Variants in CCSER1 observed in about 807,000 individuals in gnomAD.
The protein encoded by CCSER1 is serine-rich coiled-coil domain-containing protein 1.
In CCSER1, 41 loss-of-function variants were observed where a neutral mutation model predicts 82.0. That is an observed-to-expected ratio of 0.50 (90% CI 0.39 to 0.65). The LOEUF is 0.65. Among genes scored for constraint, CCSER1 ranks in the 30% least tolerant of loss-of-function variants. The pLI, the probability that CCSER1 is intolerant of heterozygous loss-of-function variation, is 0.00. For missense variants in CCSER1, 1,119 were observed against 1,064.2 expected, an observed-to-expected ratio of 1.05 and a Z score of -0.72; for synonymous variants, 414 against 383.9, an observed-to-expected ratio of 1.08 and a Z score of -0.92.
intron 10 of CCSER1, among the ~76,000 whole-genome samples, chr4:91,340,954 C>T (rs1747684143): frequency 6.6e-6 from 1 of 152,138 alleles, no homozygotes; most frequent in South Asian, 2.1e-4. Context: ...ATCTATTGGC[C>T]TAGTTTCAAA....
intron 8 of CCSER1, among the ~76,000 whole-genome samples, chr4:90,850,583 A>G (rs939372477): frequency 1.3e-5 from 2 of 152,226 alleles, no homozygotes; most frequent in African/African-American, 4.8e-5. Flanking sequence ...TGACTGCCCT[A>G]TTAGATTTTG....
chr4:91,009,718 A>G (rs187560785), intron 9 of CCSER1, among the ~76,000 whole-genome samples: 1 of 152,210 alleles, frequency 6.6e-6, no homozygotes, highest in Middle Eastern at 3.4e-3. Context: ...AAAATATTCT[A>G]TTGTTTTAAC....
At chr4:91,230,028 A>G (rs1161148887) in intron 10 of CCSER1, among the ~76,000 whole-genome samples, 1 of 152,150 alleles carries the variant, frequency 6.6e-6, no homozygotes, top group Non-Finnish European at 1.5e-5. Flanking sequence ...GTACCCCACC[A>G]AATATTCATT....
At chr4:90,295,202 G>A (rs1731643063) in intron 1 of CCSER1, among the ~76,000 whole-genome samples, 1 of 151,718 alleles carries the variant, frequency 6.6e-6, no homozygotes, top group South Asian at 2.1e-4. Flanking sequence ...TATTATTCTA[G>A]GGTAAATGCT....
Position 90,628,038 on chromosome 4 carries a change from A to G in CCSER1, c.1738A>G (p.Lys580Glu), listed in dbSNP as rs375334932. 46 of 1,613,358 alleles carry G rather than the reference A, an allele frequency of 2.9e-5. No homozygotes were observed. The highest frequency in any genetic ancestry group is 3.7e-5 in the Non-Finnish European group (44 of 1,179,602). ...TTTTCTTGTTAGGAATCTTTCCCTG[A>G]AATTAACAAAGGACGTTGATCAAGA... ...PEPSKQNLSL[K>E]LTKDVDQEAR... Residue 580 changes from lysine (K) to glutamate (E), a missense_variant, in exon 6 of 11, where the codon AAA becomes GAA. Transcript: ENST00000509176.
At chr4:90,744,100 A>T (rs1390826763) in intron 7 of CCSER1, among the ~76,000 whole-genome samples, 1 of 152,218 alleles carries the variant, frequency 6.6e-6, no homozygotes, top group Non-Finnish European at 1.5e-5. Context: ...TCTTATGACT[A>T]TGGAAAGCTA....
At chr4:90,267,456 C>T (rs770867496) in intron 1 of CCSER1, among the ~76,000 whole-genome samples, 10 of 152,072 alleles carry the variant, frequency 6.6e-5, no homozygotes, top group African/African-American at 1.7e-4. Context: ...TGGCTGGGTT[C>T]GCTACCTGCT....
Position 91,387,357 on chromosome 4 carries a change from A to G in CCSER1, c.2218-211215A>G, listed in dbSNP as rs915740213. 4.5e-4 allele frequency among the ~76,000 whole-genome samples: 69 copies of G among 152,102 alleles called. 1 individual carries two copies. Among genetic ancestry groups the G allele is most frequent in the Admixed American group, 1.4e-3 (22 of 15,228 alleles). On this transcript the variant is annotated intron_variant, in intron 10 of 10. Coordinates refer to ENST00000509176, the MANE Select transcript of CCSER1 (RefSeq NM_001145065.2). ...AAAGCTTGAAGAGATTTTCAGCTAT[A>G]ATGTTTTTAAAAATTAGATTTCTGT...
intron 3 of CCSER1, among the ~76,000 whole-genome samples, chr4:90,387,271 A>G (rs1750209318): frequency 6.6e-6 from 1 of 152,180 alleles, no homozygotes; most frequent in Admixed American, 6.5e-5. Context: ...TTACCTGCAG[A>G]TATGGCTCTA....
intron 10 of CCSER1, among the ~76,000 whole-genome samples, chr4:91,488,277 T>G (rs1388525269): frequency 2.6e-5 from 4 of 152,226 alleles, no homozygotes; most frequent in Non-Finnish European, 5.9e-5. Context: ...TGGCAATTAT[T>G]TTATGTGATT....
intron 5 of CCSER1, among the ~76,000 whole-genome samples, chr4:90,485,193 C>G (rs1222353962): frequency 6.6e-6 from 1 of 152,186 alleles, no homozygotes; most frequent in African/African-American, 2.4e-5. Context: ...GATATAATCT[C>G]CTGGTGTGCC....
chr4:91,440,111 G>A (rs1291028529), intron 10 of CCSER1, among the ~76,000 whole-genome samples: 4 of 151,904 alleles, frequency 2.6e-5, no homozygotes, highest in Admixed American at 6.6e-5. Context: ...TGCACCAAGT[G>A]GACCTAATAG....
At chr4:91,405,832 G>A (rs761748804) in intron 10 of CCSER1, among the ~76,000 whole-genome samples, 64 of 152,168 alleles carry the variant, frequency 4.2e-4, no homozygotes, top group Non-Finnish European at 7.1e-4. Flanking sequence ...TCCCAGGTGA[G>A]GCAATGCCCC....
intron 5 of CCSER1, among the ~76,000 whole-genome samples, chr4:90,572,142 C>T (rs758658622): frequency 6.6e-6 from 1 of 152,106 alleles, no homozygotes; most frequent in Non-Finnish European, 1.5e-5. Context: ...TCTTGGTATT[C>T]AGGGTATTTT....
intron 9 of CCSER1, among the ~76,000 whole-genome samples, chr4:90,969,469 A>G (rs1734878903): frequency 6.6e-6 from 1 of 152,024 alleles, no homozygotes; most frequent in African/African-American, 2.4e-5. Context: ...CTCAGCAGAA[A>G]GCTTCCAGTC....
At chr4:90,747,371 C>A (rs1398019774) in intron 7 of CCSER1, among the ~76,000 whole-genome samples, 2 of 151,976 alleles carry the variant, frequency 1.3e-5, no homozygotes, top group Non-Finnish European at 2.9e-5. Flanking sequence ...TACAAAATTT[C>A]TTGGAGGTCA....
chr4:90,697,344 G>T (rs578031070), intron 6 of CCSER1, among the ~76,000 whole-genome samples: 175 of 152,140 alleles, frequency 1.2e-3, no homozygotes, highest in Non-Finnish European at 2.2e-3. Context: ...GTCAGAAGAT[G>T]CCTTTGACTT....
intron 10 of CCSER1, among the ~76,000 whole-genome samples, chr4:91,374,298 C>T (rs930380525): frequency 1.3e-5 from 2 of 152,168 alleles, no homozygotes; most frequent in African/African-American, 4.8e-5. Flanking sequence ...CAATGCCTGG[C>T]TCCAAGGCTT....
intron 10 of CCSER1, among the ~76,000 whole-genome samples, chr4:91,096,806 A>C (rs1724559127): frequency 6.6e-6 from 1 of 152,196 alleles, no homozygotes; most frequent in African/African-American, 2.4e-5. Context: ...CACAAAACAA[A>C]GAACAGGTAA....
Sources: gnomAD v4.1 joint callset for allele counts (sites outside exome capture counted in the v4.1 genomes callset) on GRCh38, gnomAD v4.1.1 for gene constraint, MANE v1.5 for transcripts, NCBI Gene and HGNC (gene_info 2026-07-23, HGNC 2026-07-21) for gene names.